TMEM33: variants seen among roughly 807,000 people sequenced by gnomAD.
The protein encoded by TMEM33 is transmembrane protein 33.
Under a neutral mutation model 29.7 loss-of-function variants are expected in TMEM33, and 16 were observed. The observed-to-expected ratio is 0.54, with a 90% confidence interval of 0.36 to 0.82. The LOEUF (loss-of-function observed/expected upper bound fraction) is 0.82, where lower values mean the gene tolerates loss of function less well. Ranked by LOEUF, TMEM33 falls within the 40% of genes least tolerant of loss-of-function variation. The probability of loss-of-function intolerance (pLI) is 0.00; values close to 1 mark genes in which losing one functional copy is unlikely to be tolerated. For synonymous variants in TMEM33, 112 were observed against 109.4 expected, an observed-to-expected ratio of 1.02 and a Z score of -0.15; for missense variants, 252 against 295.3, an observed-to-expected ratio of 0.85 and a Z score of 1.08.
intron 2 of TMEM33, 29 bp downstream of exon 2, chr4:41,938,725 A>C: frequency 2.5e-6 from 4 of 1,606,890 alleles, no homozygotes; most frequent in Non-Finnish European, 3.4e-6. Flanking sequence ...GCTGCCTTTG[A>C]TATTCAATTG....
At chr4:41,939,900 T>C in intron 3 of TMEM33, 1 of 411,110 alleles carries the variant, frequency 2.4e-6, no homozygotes, top group South Asian at 1.7e-5. Context: ...CACACATGGA[T>C]AATCCGTGAA....
intron 1 of TMEM33, among the ~76,000 whole-genome samples, chr4:41,935,836 A>G (rs907274704): frequency 6.6e-6 from 1 of 152,224 alleles, no homozygotes; most frequent in African/African-American, 2.4e-5. Flanking sequence ...CCCCAAGGTT[A>G]AAGATGCCGC....
At chr4:41,949,476 G>A (rs1712943949) in intron 6 of TMEM33, 91 bp downstream of exon 6, 4 of 1,039,978 alleles carry the variant, frequency 3.8e-6, no homozygotes, top group African/African-American at 3.3e-5. Flanking sequence ...CTTAGCTAAT[G>A]TGTTAGACTT....
chr4:41,947,477 TAATTC>T (rs1712846471), intron 5 of TMEM33, among the ~76,000 whole-genome samples: 1 of 152,174 alleles, frequency 6.6e-6, no homozygotes, highest in South Asian at 2.1e-4. Context: ...GTTGGTACAT[TAATTC>T]AATTGTGCTC....
chr4:41,938,743 A>G (rs1295831524), intron 2 of TMEM33, 47 bp downstream of exon 2: 1 of 1,576,276 alleles, frequency 6.3e-7, no homozygotes, highest in African/African-American at 1.3e-5. Flanking sequence ...TTGTTGAGTC[A>G]GTTTATATGG....
intron 6 of TMEM33, among the ~76,000 whole-genome samples, chr4:41,949,991 G>C (rs1712967557): frequency 6.6e-6 from 1 of 152,148 alleles, no homozygotes; most frequent in Non-Finnish European, 1.5e-5. Flanking sequence ...AATTGCTGGA[G>C]CTAAGATTAG....
intron 3 of TMEM33, 81 bp downstream of exon 3, chr4:41,939,464 G>T: frequency 1.4e-6 from 2 of 1,462,252 alleles, no homozygotes; most frequent in Non-Finnish European, 9.3e-7. Context: ...AGCAATGAAG[G>T]CATTCCATGA....
intron 3 of TMEM33, among the ~76,000 whole-genome samples, chr4:41,942,009 AT>A (rs914208240): frequency 3.1e-4 from 47 of 152,346 alleles, no homozygotes; most frequent in African/African-American, 1.1e-3. Context: ...CTGCATACTC[AT>A]TTGCCAGAGC....
chr4:41,960,531 T>C lies in TMEM33; in HGVS notation c.*6332T>C, dbSNP rs1212694832. 4 of 152,216 alleles carry C rather than the reference T, an allele frequency of 2.6e-5. No individual in the cohort carries two copies. Among genetic ancestry groups the C allele is most frequent in the Non-Finnish European group, 5.9e-5 (4 of 68,008 alleles). 9.4% of individuals were successfully genotyped at this position (152,216 alleles called of 1,614,324 possible). On this transcript the variant is annotated 3_prime_UTR_variant, in exon 7 of 7. Coordinates refer to ENST00000504986, the MANE Select transcript of TMEM33 (RefSeq NM_018126.3). ...AGATTTTATTGATGTTAAAATCTAA[T>C]TGTGGAATAAAAATCTCTCTGGAAT... is the stretch of plus-strand genomic sequence containing the variant.
At chr4:41,939,990 A>G (rs890584941) in intron 3 of TMEM33, among the ~76,000 whole-genome samples, 1 of 151,776 alleles carries the variant, frequency 6.6e-6, no homozygotes, top group South Asian at 2.1e-4. Flanking sequence ...TGGGTAGTCC[A>G]TAAAGGAGGG....
chr4:41,943,978 G>T (rs952805236), intron 4 of TMEM33, 164 bp downstream of exon 4: 25 of 604,280 alleles, frequency 4.1e-5, no homozygotes, highest in Non-Finnish European at 6.4e-5. Context: ...AGTGTTTATT[G>T]TTGAAGTTTC....
At chr4:41,953,749 T>C (rs1315515043) in intron 6 of TMEM33, 3 of 462,000 alleles carry the variant, frequency 6.5e-6, no homozygotes, top group Non-Finnish European at 1.3e-5. Context: ...CTTCATCTTA[T>C]ATTTGTGCAG....
At chr4:41,953,925 G>T in intron 6 of TMEM33, 145 bp from the exon 7 acceptor site, 1 of 901,176 alleles carries the variant, frequency 1.1e-6, no homozygotes, top group Non-Finnish European at 1.8e-6. Flanking sequence ...GTTGGAAAGT[G>T]GCACTGATAG....
intron 1 of TMEM33, among the ~76,000 whole-genome samples, chr4:41,938,326 G>A (rs762565171): frequency 2.6e-5 from 4 of 152,124 alleles, no homozygotes; most frequent in Non-Finnish European, 4.4e-5. Flanking sequence ...TAATTAATTA[G>A]TCTTTGCATT....
At chr4:41,940,900 AT>A (rs1018922016) in intron 3 of TMEM33, among the ~76,000 whole-genome samples, 2 of 151,374 alleles carry the variant, frequency 1.3e-5, no homozygotes, top group African/African-American at 4.9e-5. Context: ...AAAGATGCTG[AT>A]TTGCTGATTG....
chr4:41,940,074 A>G (rs1712461706), intron 3 of TMEM33, among the ~76,000 whole-genome samples: 1 of 83,706 alleles, frequency 1.2e-5, no homozygotes, highest in Admixed American at 1.6e-4. Context: ...TTTTTTTGAG[A>G]CAGAGTCTTG....
intron 6 of TMEM33, among the ~76,000 whole-genome samples, chr4:41,952,683 G>C (rs1289868234): frequency 2.0e-5 from 3 of 152,182 alleles, no homozygotes; most frequent in Non-Finnish European, 2.9e-5. Context: ...ATTGAGACTA[G>C]ATTGTGGAGG....
At chr4:41,948,904 T>G (rs1164526078) in intron 5 of TMEM33, among the ~76,000 whole-genome samples, 1 of 152,064 alleles carries the variant, frequency 6.6e-6, no homozygotes, top group African/African-American at 2.4e-5. Context: ...CAGTGTAATT[T>G]TTTTGGTGGA....
At chr4:41,942,082 T>G (rs1290678803) in intron 3 of TMEM33, among the ~76,000 whole-genome samples, 1 of 152,216 alleles carries the variant, frequency 6.6e-6, no homozygotes, top group African/African-American at 2.4e-5. Context: ...TCAGGTATCT[T>G]GACTCCCAAT....
Sources: allele counts gnomAD v4.1 joint callset (sites outside exome capture counted in the v4.1 genomes callset), GRCh38; gene constraint gnomAD v4.1.1; transcripts MANE v1.5; gene names NCBI Gene and HGNC (gene_info 2026-07-23, HGNC 2026-07-21).